Variants in TMEM8B observed in about 807,000 individuals in gnomAD.
The protein encoded by TMEM8B is nasopharyngeal carcinoma expressed 6.
Under a neutral mutation model 49.3 loss-of-function variants are expected in TMEM8B, and 29 were observed. The ratio of observed to expected loss-of-function variants is 0.59; its 90% CI spans 0.44 to 0.80. The LOEUF (loss-of-function observed/expected upper bound fraction) is 0.80, where lower values mean the gene tolerates loss of function less well. TMEM8B is among the 30% of genes least tolerant of loss of function. TMEM8B has a pLI of 0.00. For missense variants in TMEM8B, 575 were observed against 658.5 expected (o/e 0.87, Z 1.39); for synonymous variants, 264 against 272.8 (o/e 0.97, Z 0.32).
rs558250677 is a variant in TMEM8B, at chr9:35,841,029, C to A, written c.907-105C>A. ...GGGTTAGAGGCCTGGGAGTGGTGGC[C>A]GGGGCGGGGGTTTCTCCCCAGCCCG... On this transcript the variant is annotated intron_variant, in intron 3 of 12. Transcript: ENST00000643932. This position sits in a 1 kb window ranked among gnomAD's most constrained non-coding sequence, Gnocchi z 5.9. 1 of 411,404 alleles carries A rather than the reference C, an allele frequency of 2.4e-6. No homozygotes were observed. Among genetic ancestry groups the A allele is most frequent in the African/African-American group, 2.1e-5 (1 of 48,546 alleles). 25.5% of individuals were successfully genotyped at this position (411,404 alleles called of 1,614,324 possible).
intron 3 of TMEM8B, among the ~76,000 whole-genome samples, chr9:35,837,700 G>A (rs1170301121): frequency 6.6e-6 from 1 of 152,176 alleles, no homozygotes; most frequent in African/African-American, 2.4e-5. Context: ...TATTTACTAC[G>A]TATTCCTAGC....
intron 3 of TMEM8B, among the ~76,000 whole-genome samples, chr9:35,840,354 T>C (rs900164213): frequency 4.6e-5 from 7 of 152,144 alleles, no homozygotes; most frequent in African/African-American, 1.4e-4. Context: ...GATTTGGCTT[T>C]AGCAAGGTCA....
chr9:35,849,572 T>G (rs1831951462), intron 10 of TMEM8B, among the ~76,000 whole-genome samples: 1 of 152,208 alleles, frequency 6.6e-6, no homozygotes, highest in African/African-American at 2.4e-5. Context: ...AGGTAGAAGG[T>G]GAGTATCTAC....
At chr9:35,848,941 G>A (rs1831890949) in intron 10 of TMEM8B, among the ~76,000 whole-genome samples, 1 of 152,102 alleles carries the variant, frequency 6.6e-6, no homozygotes, top group Non-Finnish European at 1.5e-5. Flanking sequence ...CCAAAGTGCT[G>A]GGATTACTGG....
rs1480178056 is a variant in TMEM8B at position 35,853,724 on chromosome 9, G to T, written c.2659G>T (p.Val887Phe). The T allele has an allele frequency of 2.5e-6, 4 of 1,613,992 alleles. No homozygotes were observed. The highest frequency in any genetic ancestry group is 3.4e-6 in the Non-Finnish European group (4 of 1,179,904). ...CCCTCGTGCCAAGACTGACCACGGG[G>T]TCCCATCTGGAGCCCGGGCCCGGGG... is the stretch of plus-strand genomic sequence containing the variant. The part of the protein sequence containing the change: ...LPPRAKTDHG[V>F]PSGARARGCG... Residue 887 changes from valine (V) to phenylalanine (F), a missense_variant, in exon 13 of 13, where the codon GTC becomes TTC. Transcript: ENST00000643932. This position sits in a 1 kb window ranked among gnomAD's most constrained non-coding sequence, Gnocchi z 4.2.
At position 35,864,664 on chromosome 9, in the gene TMEM8B, A is replaced by G. The variant is rs1402453754; in HGVS notation, c.*10824A>G. 6.6e-6 allele frequency: 1 copy of G among 152,242 alleles called. No individual in the cohort carries two copies. Among genetic ancestry groups the G allele is most frequent in the Non-Finnish European group, 1.5e-5 (1 of 68,052 alleles). 9.4% of individuals were successfully genotyped at this position (152,242 alleles called of 1,614,324 possible). ...TAGTCAGTGAGCAGTAGATGATATT[A>G]TTACCATCCTGTCCCTATCCCTGTC... On this transcript the variant is annotated 3_prime_UTR_variant, in exon 13 of 13. Coordinates refer to ENST00000643932, the MANE Select transcript of TMEM8B (RefSeq NM_001042590.4).
At chr9:35,852,299 T>C (rs1213781388) in intron 10 of TMEM8B, among the ~76,000 whole-genome samples, 1 of 152,288 alleles carries the variant, frequency 6.6e-6, no homozygotes, top group African/African-American at 2.4e-5. Flanking sequence ...ACTGCCTTTT[T>C]TCTTACCTGC....
rs1357175933 is a variant in TMEM8B, at chr9:35,829,232, C to T, written c.-216C>T. 2 of 342,632 alleles carry T rather than the reference C, an allele frequency of 5.8e-6. No homozygotes were observed. Among genetic ancestry groups the T allele is most frequent in the Non-Finnish European group, 1.1e-5 (2 of 189,186 alleles). The allele number at this position is 342,632 out of a possible 1,614,324, so 21.2% of individuals were successfully genotyped here. A position where few individuals can be genotyped will look rare whatever the true frequency, so the allele number is the denominator to read the frequency against. Reference sequence around the variant, plus strand: ...CCGGCCGGGGGGCGGGGCGTCACGCCGACGTCAAGTCGAGGCCGCCGCCGC... The same window carrying T: ...CCGGCCGGGGGGCGGGGCGTCACGCTGACGTCAAGTCGAGGCCGCCGCCGC... On this transcript the variant is annotated 5_prime_UTR_variant, in exon 1 of 13. Coordinates refer to ENST00000643932, the MANE Select transcript of TMEM8B (RefSeq NM_001042590.4).
In TMEM8B at chr9:35,852,813, A is replaced by T; in HGVS notation, c.2176-14A>T. ...GCCTCAAGTTCTCTCAATGCCTGTC[A>T]TTTCTTCCTTCAGTTCTATCATGCC... On this transcript the variant is annotated splice_polypyrimidine_tract_variant and intron_variant, in intron 10 of 12. Transcript: ENST00000643932. 2 of 1,613,914 alleles carry T rather than the reference A, an allele frequency of 1.2e-6. No individual in the cohort carries two copies. The highest frequency in any genetic ancestry group is 1.7e-6 in the Non-Finnish European group (2 of 1,179,974).
Position 35,846,385 on chromosome 9 carries a change from AGCGGT to A in TMEM8B, c.1853+9_1853+13del. 1 of 1,611,530 alleles carries A rather than the reference AGCGGT, an allele frequency of 6.2e-7. No individual in the cohort carries two copies. The highest frequency in any genetic ancestry group is 1.1e-5 in the South Asian group (1 of 90,922). On this transcript the variant is annotated splice_donor_5th_base_variant and intron_variant, in intron 8 of 12. Coordinates refer to ENST00000643932, the MANE Select transcript of TMEM8B (RefSeq NM_001042590.4). ...CCCTGTGCGGGGTGGGGCCTCGGTG[AGCGGT>A]GCGGGGCGGGGCCAGGGCTGGGACC...
intron 10 of TMEM8B, among the ~76,000 whole-genome samples, chr9:35,850,056 T>G (rs1488938719): frequency 6.6e-6 from 1 of 152,198 alleles, no homozygotes; most frequent in Non-Finnish European, 1.5e-5. Context: ...TCACTGTCTC[T>G]TGGCAAAATC....
In TMEM8B at chr9:35,853,559, C is replaced by T; in HGVS notation, c.2494C>T (p.Leu832Phe). ...CTACCCACCCACGTGGCGCCGCTGG[C>T]TTTTCTACTTGTGCCCTGGCAGCCT... ...HCYPPTWRRWLFYLCPGSLIA... is the reference protein window; with the variant it reads ...HCYPPTWRRWFFYLCPGSLIA... The change falls in exon 13 of 13, where the codon CTT becomes TTT. Residue 832 changes from leucine to phenylalanine, a missense_variant. Leu to Phe is a conservative substitution (Grantham distance 22). Coordinates refer to ENST00000643932, the MANE Select transcript of TMEM8B (RefSeq NM_001042590.4). The surrounding 1 kb of genome is among the most constrained non-coding windows in gnomAD (Gnocchi z 4.2). 6.2e-7 allele frequency: 1 copy of T among 1,614,226 alleles called. No homozygotes were observed. Among genetic ancestry groups the T allele is most frequent in the South Asian group, 1.1e-5 (1 of 91,088 alleles).
Position 35,846,064 on chromosome 9 carries a change from C to T in TMEM8B, c.1725C>T (p.Ser575=), listed in dbSNP as rs759871236. The T allele has an allele frequency of 6.2e-6, 10 of 1,610,392 alleles. No individual in the cohort carries two copies. The highest frequency in any genetic ancestry group is 8.5e-6 in the Non-Finnish European group (10 of 1,179,532). The part of the protein sequence containing the change: ...LSLGDAAVTC[S]KESLAGFLLS... ...TGGGGGATGCAGCAGTGACCTGTTC[C>T]AAAGGTGAGGTGAGGAATGGGGGAG... Residue 575 remains serine, a synonymous_variant, in exon 7 of 13, where the codon TCC becomes TCT. Coordinates refer to ENST00000643932, the MANE Select transcript of TMEM8B (RefSeq NM_001042590.4).
At chr9:35,840,206 T>C (rs553190767) in intron 3 of TMEM8B, among the ~76,000 whole-genome samples, 3 of 152,296 alleles carry the variant, frequency 2.0e-5, no homozygotes, top group Non-Finnish European at 2.9e-5. Context: ...AGCTGGGGAT[T>C]TTCTCCAGAA....
chr9:35,855,100 C>T lies in TMEM8B; in HGVS notation c.*1260C>T, dbSNP rs2132416492. 2 of 152,286 alleles carry T rather than the reference C, an allele frequency of 1.3e-5. No homozygotes were observed. The highest frequency in any genetic ancestry group is 4.1e-4 in the South Asian group (2 of 4,820). 9.4% of individuals were successfully genotyped at this position (152,286 alleles called of 1,614,324 possible). On this transcript the variant is annotated 3_prime_UTR_variant, in exon 13 of 13. Coordinates refer to ENST00000643932, the MANE Select transcript of TMEM8B (RefSeq NM_001042590.4). ...TCCCATTTGCATTACTCTCTCAGTC[C>T]TAAGGTTCTCTCTGCCACTTCTGGG...
In TMEM8B at chr9:35,853,786, G is replaced by C. The variant is rs1832377726; in HGVS notation, c.2721G>C (p.Glu907Asp). The change falls in exon 13 of 13, where the codon GAG (glutamate) becomes GAC (aspartate). Residue 907 changes from glutamate to aspartate, a missense_variant. Physicochemically the swap from Glu to Asp is conservative, Grantham distance 45. Coordinates refer to ENST00000643932, the MANE Select transcript of TMEM8B (RefSeq NM_001042590.4). The surrounding 1 kb of genome is among the most constrained non-coding windows in gnomAD (Gnocchi z 4.2). Reference sequence around the variant, plus strand: ...AGCTATGCATCAACGAGCAGGAGGAGCTGGGCCTCGTGGGCCCAGGAGGGG... The same window carrying C: ...AGCTATGCATCAACGAGCAGGAGGACCTGGGCCTCGTGGGCCCAGGAGGGG... ...GYQLCINEQE[E>D]LGLVGPGGAT... 1 of 1,587,206 alleles carries C rather than the reference G, an allele frequency of 6.3e-7. No individual in the cohort carries two copies. Among genetic ancestry groups the C allele is most frequent in the African/African-American group, 1.3e-5 (1 of 74,258 alleles).
intron 3 of TMEM8B, among the ~76,000 whole-genome samples, chr9:35,838,391 G>A (rs1830647291): frequency 6.6e-6 from 1 of 151,740 alleles, no homozygotes; most frequent in Non-Finnish European, 1.5e-5. Context: ...TTTTCCCACT[G>A]CCCACTCCTC....
chr9:35,846,781 C>CT, intron 9 of TMEM8B, 36 bp from the exon 10 acceptor site: 1 of 1,591,390 alleles, frequency 6.3e-7, no homozygotes, highest in Non-Finnish European at 8.6e-7. Context: ...TAGCTGCCGT[C>CT]TGTTCTCTTC....
At position 35,865,166 on chromosome 9, in the gene TMEM8B, G is replaced by C. The variant is rs2132435705; in HGVS notation, c.*11326G>C. ...AATCTGAATACTGGGTCACGTTGCA[G>C]TTCTGCGCCTTGGATGCCATAGGCT... On this transcript the variant is annotated 3_prime_UTR_variant, in exon 13 of 13. Coordinates refer to ENST00000643932, the MANE Select transcript of TMEM8B (RefSeq NM_001042590.4). 1 of 152,360 alleles carries C rather than the reference G, an allele frequency of 6.6e-6. No homozygotes were observed. The highest frequency in any genetic ancestry group is 2.4e-5 in the African/African-American group (1 of 41,584). The allele number at this position is 152,360 out of a possible 1,614,324, so 9.4% of individuals were successfully genotyped here. A position where few individuals can be genotyped will look rare whatever the true frequency, so the allele number is the denominator to read the frequency against.
Sources: allele counts gnomAD v4.1 joint callset (sites outside exome capture counted in the v4.1 genomes callset), GRCh38; gene constraint gnomAD v4.1.1; non-coding constraint Gnocchi (gnomAD v3.1); transcripts MANE v1.5; gene names NCBI Gene and HGNC (gene_info 2026-07-23, HGNC 2026-07-21).